Variants in EMP3 observed in about 807,000 individuals in gnomAD.
The protein encoded by EMP3 is epithelial membrane protein 3.
EMP3 carries 15 observed loss-of-function variants against 21.6 expected under a neutral mutation model. The observed-to-expected ratio is 0.69, with a 90% CI of 0.46 to 1.07. The LOEUF is 1.07. EMP3 is among the 50% of genes least tolerant of loss of function. The probability of loss-of-function intolerance (pLI) is 0.00; values close to 1 mark genes in which losing one functional copy is unlikely to be tolerated. For synonymous variants in EMP3, 107 were observed against 86.1 expected (o/e 1.24, Z -1.34); for missense variants, 183 against 206.6 (o/e 0.89, Z 0.70).
chr19:48,330,066 A>G (rs190317772), intron 4 of EMP3, among the ~76,000 whole-genome samples: 4 of 152,330 alleles, frequency 2.6e-5, no homozygotes, highest in Admixed American at 1.3e-4. Context: ...ATAGAAACAC[A>G]CTCAAAAATA....
At chr19:48,328,851 G>C (rs968972536) in intron 3 of EMP3, among the ~76,000 whole-genome samples, 35 of 152,196 alleles carry the variant, frequency 2.3e-4, no homozygotes, top group African/African-American at 8.0e-4. Flanking sequence ...GACAGACACA[G>C]TGGCTCACAC....
chr19:48,330,434 C>G lies in EMP3; in HGVS notation c.456C>G (p.Ser152Arg), dbSNP rs1347561093. ...AWVAFPLALV[S>R]GIIYIHLRKR... ...TGGCCTTCCCCCTCGCCCTGGTCAGCGGCATCATCTACATCCACCTACGGA... is the reference window on the plus strand; with the variant it reads ...TGGCCTTCCCCCTCGCCCTGGTCAGGGGCATCATCTACATCCACCTACGGA... The change falls in exon 5 of 5, where the codon AGC becomes AGG. Residue 152 changes from serine to arginine, a missense_variant. Transcript: ENST00000270221. The G allele has an allele frequency of 1.3e-6, 2 of 1,595,508 alleles. No homozygotes were observed. The highest frequency in any genetic ancestry group is 2.7e-5 in the African/African-American group (2 of 73,456).
At position 48,329,054 on chromosome 19, in the gene EMP3, C is replaced by T. The variant is rs1364537163; in HGVS notation, c.182-298C>T. ...AGAGAATTTCTTGAGCCCTGAAGGA[C>T]GAGGCTGCAGTGAGCCATGATTATA... On this transcript the variant is annotated intron_variant, in intron 3 of 4. Transcript: ENST00000270221. The surrounding 1 kb of genome is among the most constrained non-coding windows in gnomAD (Gnocchi z 4.5). 6.6e-6 allele frequency among the ~76,000 whole-genome samples: 1 copy of T among 152,006 alleles called. No homozygotes were observed. Among genetic ancestry groups the T allele is most frequent in the East Asian group, 1.9e-4 (1 of 5,162 alleles).
rs1436640989 is a variant in EMP3, at chr19:48,330,373, G to A, written c.395G>A (p.Gly132Glu). 2 of 1,607,642 alleles carry A rather than the reference G, an allele frequency of 1.2e-6. No homozygotes were observed. Among genetic ancestry groups the A allele is most frequent in the South Asian group, 1.1e-5 (1 of 90,534 alleles). Reference sequence around the variant, plus strand: ...GAGATCCTGGAGAAGCACCCGCGAGGGGGCAGCTTCGGATACTGCTTCGCC... The same window carrying A: ...GAGATCCTGGAGAAGCACCCGCGAGAGGGCAGCTTCGGATACTGCTTCGCC... ...AEEILEKHPR[G>E]GSFGYCFALA... Residue 132 changes from glycine (G) to glutamate (E), a missense_variant, in exon 5 of 5, where the codon GGG becomes GAG. Transcript: ENST00000270221.
intron 2 of EMP3, 135 bp from the exon 3 acceptor site, chr19:48,327,386 T>G: frequency 1.5e-6 from 1 of 663,370 alleles, no homozygotes; most frequent in Non-Finnish European, 2.7e-6. Flanking sequence ...CCCTCTCATA[T>G]TAAATCCTAA....
Position 48,330,212 on chromosome 19 carries a change from G to C in EMP3, c.323-89G>C. 2.7e-6 allele frequency: 4 copies of C among 1,456,732 alleles called. No homozygotes were observed. In the South Asian group the frequency reaches 5.8e-5, roughly 21 times the overall value. The allele number at this position is 1,456,732 out of a possible 1,614,324, so 90.2% of individuals were successfully genotyped here. On this transcript the variant is annotated intron_variant, in intron 4 of 4. Transcript: ENST00000270221. ...CAGCAGGCAGCGGCGCTGCCCACGG[G>C]CCCTCCGGCGCTTCTTTGCCCCCAT...
At chr19:48,327,070 T>C in intron 2 of EMP3, 148 bp downstream of exon 2, 1 of 738,084 alleles carries the variant, frequency 1.4e-6, no homozygotes, top group South Asian at 1.7e-5. Context: ...TCTCACTCTG[T>C]CCCCCAGGCT....
chr19:48,326,745 C>T (rs1483665644), intron 1 of EMP3, 85 bp from the exon 2 acceptor site: 21 of 1,156,580 alleles, frequency 1.8e-5, no homozygotes, highest in African/African-American at 1.4e-4. Flanking sequence ...CCGCCTCGGC[C>T]TCCCAAAGTG....
At position 48,329,214 on chromosome 19, in the gene EMP3, T is replaced by C; in HGVS notation, c.182-138T>C. 5 of 997,458 alleles carry C rather than the reference T, an allele frequency of 5.0e-6. No homozygotes were observed. The highest frequency in any genetic ancestry group is 4.4e-6 in the Non-Finnish European group (3 of 685,388). The allele number at this position is 997,458 out of a possible 1,614,324, so 61.8% of individuals were successfully genotyped here. On this transcript the variant is annotated intron_variant, in intron 3 of 4. Coordinates refer to ENST00000270221, the MANE Select transcript of EMP3 (RefSeq NM_001425.3). This position sits in a 1 kb window ranked among gnomAD's most constrained non-coding sequence, Gnocchi z 4.5. ...CAGGGCTCAAGGTCAAAATAAGTGA[T>C]ACATCTAAGTATCTAGGCTTGTATG...
chr19:48,329,226 T>C lies in EMP3; in HGVS notation c.182-126T>C. On this transcript the variant is annotated intron_variant, in intron 3 of 4. Transcript: ENST00000270221. The surrounding 1 kb of genome is among the most constrained non-coding windows in gnomAD (Gnocchi z 4.5). ...TCAAAATAAGTGATACATCTAAGTA[T>C]CTAGGCTTGTATGGGCCTAAACGGG... 3 of 1,161,214 alleles carry C rather than the reference T, an allele frequency of 2.6e-6. No individual in the cohort carries two copies. The highest frequency in any genetic ancestry group is 3.7e-6 in the Non-Finnish European group (3 of 820,568). The allele number at this position is 1,161,214 out of a possible 1,614,324, so 71.9% of individuals were successfully genotyped here.
chr19:48,326,907 G>C lies in EMP3; in HGVS notation c.63G>C (p.Val21=), dbSNP rs777704213. ...TCCTCATTCTTATACTGCTTTTCGTGGCCACTTTGGACAAGGTAAGCCTAC... is the reference window on the plus strand; with the variant it reads ...TCCTCATTCTTATACTGCTTTTCGTCGCCACTTTGGACAAGGTAAGCCTAC... ...LHILILILLF[V]ATLDKSWWTL... Residue 21 remains valine (V), a synonymous_variant, in exon 2 of 5, where the codon GTG becomes GTC. Coordinates refer to ENST00000270221, the MANE Select transcript of EMP3 (RefSeq NM_001425.3). 1.2e-6 allele frequency: 2 copies of C among 1,613,946 alleles called. No homozygotes were observed. Among genetic ancestry groups the C allele is most frequent in the South Asian group, 2.2e-5 (2 of 91,064 alleles).
chr19:48,328,327 G>A (rs778028652), intron 3 of EMP3, among the ~76,000 whole-genome samples: 2 of 147,674 alleles, frequency 1.4e-5, no homozygotes, highest in Non-Finnish European at 3.0e-5. Flanking sequence ...CAGAAGAATC[G>A]CTTGAACCCA....
At chr19:48,328,299 C>A (rs1225327611) in intron 3 of EMP3, among the ~76,000 whole-genome samples, 1 of 150,800 alleles carries the variant, frequency 6.6e-6, no homozygotes, top group African/African-American at 2.4e-5. Flanking sequence ...GTAGTCCCAG[C>A]TACTTGGGAG....
At chr19:48,327,251 C>G (rs563847243) in intron 2 of EMP3, among the ~76,000 whole-genome samples, 2 of 151,864 alleles carry the variant, frequency 1.3e-5, no homozygotes, top group Non-Finnish European at 2.9e-5. Flanking sequence ...AGGCTGGTCT[C>G]GAACCCCTGG....
At chr19:48,326,493 ATTTT>A (rs34741493) in intron 1 of EMP3, among the ~76,000 whole-genome samples, 1 of 144,416 alleles carries the variant, frequency 6.9e-6, no homozygotes, top group Non-Finnish European at 1.5e-5. Context: ...TTTATGCCAA[ATTTT>A]TTTTTTTTTT....
intron 4 of EMP3, 132 bp from the exon 5 acceptor site, chr19:48,330,169 G>A (rs1969182809): frequency 2.3e-6 from 3 of 1,331,596 alleles, no homozygotes; most frequent in Admixed American, 2.8e-5. Context: ...TGGGCGGGGG[G>A]GAAAGAACCA....
intron 3 of EMP3, among the ~76,000 whole-genome samples, chr19:48,328,846 A>T (rs1199896751): frequency 6.6e-6 from 1 of 152,162 alleles, no homozygotes; most frequent in Non-Finnish European, 1.5e-5. Context: ...AAGCAGACAG[A>T]CACAGTGGCT....
intron 1 of EMP3, among the ~76,000 whole-genome samples, chr19:48,326,246 G>T (rs530131212): frequency 1.3e-5 from 2 of 152,080 alleles, no homozygotes; most frequent in Non-Finnish European, 2.9e-5. Context: ...GCAGGGTGGG[G>T]TCTCAACTTG....
chr19:48,328,587 G>A (rs1969162457), intron 3 of EMP3, among the ~76,000 whole-genome samples: 2 of 152,080 alleles, frequency 1.3e-5, no homozygotes, highest in East Asian at 3.8e-4. Flanking sequence ...TAAAGGGGTG[G>A]GGCCAGGTGC....
Sources: allele counts gnomAD v4.1 joint callset (sites outside exome capture counted in the v4.1 genomes callset), GRCh38; gene constraint gnomAD v4.1.1; non-coding constraint Gnocchi (gnomAD v3.1); transcripts MANE v1.5; gene names NCBI Gene and HGNC (gene_info 2026-07-23, HGNC 2026-07-21).